The following LPGAT1 variants were observed in gnomAD, a reference collection of about 807,000 sequenced individuals.
The protein encoded by LPGAT1 is lysophosphatidylglycerol acyltransferase 1.
In LPGAT1, 11 loss-of-function variants were observed where a neutral mutation model predicts 47.5. The ratio of observed to expected loss-of-function variants is 0.23; its 90% confidence interval spans 0.15 to 0.38. LPGAT1 has a LOEUF of 0.38. LPGAT1 is among the 10% of genes least tolerant of loss of function. The pLI, the probability that LPGAT1 is intolerant of heterozygous loss-of-function variation, is 1.00. For synonymous variants in LPGAT1, 138 were observed against 144.2 expected (o/e 0.96, Z 0.31); for missense variants, 293 against 439.0 (o/e 0.67, Z 2.97).
chr1:211,789,483 T>C (rs1013285533), intron 3 of LPGAT1, among the ~76,000 whole-genome samples: 2 of 152,206 alleles, frequency 1.3e-5, no homozygotes, highest in Non-Finnish European at 2.9e-5. Context: ...TATAAGTCAA[T>C]AAATGTTTAT....
intron 6 of LPGAT1, among the ~76,000 whole-genome samples, chr1:211,764,292 G>A (rs1042282747): frequency 2.0e-5 from 3 of 152,188 alleles, no homozygotes; most frequent in African/African-American, 4.8e-5. Flanking sequence ...AACAGACTGC[G>A]CTATTCTCAG....
chr1:211,830,268 G>T lies in LPGAT1; in HGVS notation c.-28+305C>A. ...GGTCGCGGTCATGGACGCGGTGGCG[G>T]CCCAAGCGGCCCGAGGCGCTGCGCG... On this transcript the variant is annotated intron_variant, in intron 1 of 7. Transcript: ENST00000366997. The surrounding 1 kb of genome is among the most constrained non-coding windows in gnomAD (Gnocchi z 5.9). The T allele has an allele frequency of 9.9e-7, 1 of 1,009,064 alleles. No homozygotes were observed. 62.5% of individuals were successfully genotyped at this position (1,009,064 alleles called of 1,614,324 possible). A position where few individuals can be genotyped will look rare whatever the true frequency, so the allele number is the denominator to read the frequency against.
intron 2 of LPGAT1, among the ~76,000 whole-genome samples, chr1:211,812,766 G>A (rs908983369): frequency 1.3e-5 from 2 of 152,208 alleles, no homozygotes; most frequent in Non-Finnish European, 1.5e-5. Flanking sequence ...TGACCCTGGA[G>A]GCCGAGGCTG....
In LPGAT1 at chr1:211,749,892, T is replaced by C; in HGVS notation, c.*7A>G. 6 of 1,613,816 alleles carry C rather than the reference T, an allele frequency of 3.7e-6. No individual in the cohort carries two copies. Among genetic ancestry groups the C allele is most frequent in the Non-Finnish European group, 5.1e-6 (6 of 1,179,882 alleles). ...CTACGGTGACCTTGACAAGTCCACG[T>C]CAATTCCTAAAACAGGCAATGGTAA... is the stretch of plus-strand genomic sequence containing the variant. On this transcript the variant is annotated 3_prime_UTR_variant, in exon 8 of 8. Coordinates refer to ENST00000366997, the MANE Select transcript of LPGAT1 (RefSeq NM_014873.3).
rs1449021200 is a variant in LPGAT1 at position 211,744,686 on chromosome 1, TTG to T, written c.*5211_*5212del. ...TATTTGTTAATTGTGTTATATGTTC[TTG>T]CTATCAGCAAAATTTATAACAAACA... On this transcript the variant is annotated 3_prime_UTR_variant, in exon 8 of 8. Coordinates refer to ENST00000366997, the MANE Select transcript of LPGAT1 (RefSeq NM_014873.3). The T allele has an allele frequency of 1.3e-5, 2 of 152,252 alleles. No homozygotes were observed. Among genetic ancestry groups the T allele is most frequent in the South Asian group, 4.1e-4 (2 of 4,834 alleles). The allele number at this position is 152,252 out of a possible 1,614,324, so 9.4% of individuals were successfully genotyped here. A position where few individuals can be genotyped will look rare whatever the true frequency, so the allele number is the denominator to read the frequency against.
chr1:211,769,687 A>G (rs538862437), intron 6 of LPGAT1, among the ~76,000 whole-genome samples: 105 of 152,310 alleles, frequency 6.9e-4, no homozygotes, highest in African/African-American at 2.4e-3. Flanking sequence ...TTTAGACCAT[A>G]TAAGGTAACT....
intron 1 of LPGAT1, 188 bp from the exon 2 acceptor site, chr1:211,829,511 C>G: frequency 2.8e-6 from 4 of 1,427,218 alleles, no homozygotes; most frequent in Non-Finnish European, 3.6e-6. Flanking sequence ...AGGAGCCGCA[C>G]AAGGTCAAGG....
intron 2 of LPGAT1, among the ~76,000 whole-genome samples, chr1:211,805,026 A>AC (rs1452956407): frequency 1.3e-5 from 2 of 152,138 alleles, no homozygotes; most frequent in Non-Finnish European, 2.9e-5. Context: ...GGGGGATGTA[A>AC]ATAAGTTCCA....
chr1:211,743,796 A>C lies in LPGAT1; in HGVS notation c.*6103T>G, dbSNP rs928368319. 6.6e-6 allele frequency: 1 copy of C among 152,184 alleles called. No individual in the cohort carries two copies. The highest frequency in any genetic ancestry group is 2.4e-5 in the African/African-American group (1 of 41,446). 9.4% of individuals were successfully genotyped at this position (152,184 alleles called of 1,614,324 possible). A position where few individuals can be genotyped will look rare whatever the true frequency, so the allele number is the denominator to read the frequency against. On this transcript the variant is annotated 3_prime_UTR_variant, in exon 8 of 8. Coordinates refer to ENST00000366997, the MANE Select transcript of LPGAT1 (RefSeq NM_014873.3). The stretch of plus-strand genomic sequence containing the variant: ...AAAGAAATTAGAATCTCACCAAAAC[A>C]GCAGCCTAAATACAGATAGAAAAAT...
At chr1:211,786,932 T>G (rs1658903058) in intron 4 of LPGAT1, among the ~76,000 whole-genome samples, 1 of 152,178 alleles carries the variant, frequency 6.6e-6, no homozygotes, top group South Asian at 2.1e-4. Flanking sequence ...AGCTATTACT[T>G]CATTTAATCC....
chr1:211,807,302 T>A (rs909694887), intron 2 of LPGAT1, among the ~76,000 whole-genome samples: 7 of 151,668 alleles, frequency 4.6e-5, no homozygotes, highest in African/African-American at 1.2e-4. Context: ...TGGTTATGGA[T>A]TAAAAGACTC....
intron 5 of LPGAT1, among the ~76,000 whole-genome samples, chr1:211,780,446 A>T (rs1483632273): frequency 6.6e-6 from 1 of 152,224 alleles, no homozygotes; most frequent in Non-Finnish European, 1.5e-5. Context: ...ACTTTAGAGT[A>T]TAATGGTCCA....
intron 2 of LPGAT1, among the ~76,000 whole-genome samples, chr1:211,826,892 G>GC (rs1195030309): frequency 6.6e-6 from 1 of 152,096 alleles, no homozygotes; most frequent in African/African-American, 2.4e-5. Context: ...TTCTTCACAA[G>GC]CCCACCCTCC....
rs1380488081 is a variant in LPGAT1, at chr1:211,745,850, T to A, written c.*4049A>T. Reference sequence around the variant, plus strand: ...CCTGCTATCCACTGCTGCTTTTGACTTTGTCCTTCATATTAACAGATATAA... The same window carrying A: ...CCTGCTATCCACTGCTGCTTTTGACATTGTCCTTCATATTAACAGATATAA... On this transcript the variant is annotated 3_prime_UTR_variant, in exon 8 of 8. Transcript: ENST00000366997. The A allele has an allele frequency of 6.6e-6, 1 of 152,654 alleles. No individual in the cohort carries two copies. The highest frequency in any genetic ancestry group is 2.4e-5 in the African/African-American group (1 of 41,450). 9.5% of individuals were successfully genotyped at this position (152,654 alleles called of 1,614,324 possible).
At position 211,830,191 on chromosome 1, in the gene LPGAT1, G is replaced by C. The variant is rs1660684009; in HGVS notation, c.-28+382C>G. 11 of 983,316 alleles carry C rather than the reference G, an allele frequency of 1.1e-5. No individual in the cohort carries two copies. Among genetic ancestry groups the C allele is most frequent in the Non-Finnish European group, 1.3e-5 (11 of 829,358 alleles). The allele number at this position is 983,316 out of a possible 1,614,324, so 60.9% of individuals were successfully genotyped here. On this transcript the variant is annotated intron_variant, in intron 1 of 7. Transcript: ENST00000366997. The surrounding 1 kb of genome is among the most constrained non-coding windows in gnomAD (Gnocchi z 5.9). ...CCGCGCGCCGGGCTCACCTCGGCGG[G>C]CGCGGACGGCGGGCGGCTGCGGAGA...
intron 1 of LPGAT1, chr1:211,829,726 A>G: frequency 9.8e-7 from 1 of 1,016,212 alleles, no homozygotes; most frequent in South Asian, 3.9e-5. Context: ...GGGTCCCCTC[A>G]ATAAGATTTC....
At chr1:211,790,225 T>C (rs1312279270) in intron 3 of LPGAT1, among the ~76,000 whole-genome samples, 1 of 152,184 alleles carries the variant, frequency 6.6e-6, no homozygotes, top group Non-Finnish European at 1.5e-5. Context: ...GGAGTGCTAC[T>C]AGCATTTAGT....
chr1:211,806,752 T>C (rs1249572259), intron 2 of LPGAT1, among the ~76,000 whole-genome samples: 2 of 152,220 alleles, frequency 1.3e-5, no homozygotes, highest in Non-Finnish European at 2.9e-5. Context: ...TCAGTATCCA[T>C]TCATCATAAA....
chr1:211,808,671 T>C (rs1659852383), intron 2 of LPGAT1, among the ~76,000 whole-genome samples: 1 of 152,178 alleles, frequency 6.6e-6, no homozygotes, highest in Admixed American at 6.6e-5. Context: ...CAGTTTCTCA[T>C]GAAGTTAAAC....
Sources: allele counts gnomAD v4.1 joint callset (sites outside exome capture counted in the v4.1 genomes callset), GRCh38; gene constraint gnomAD v4.1.1; non-coding constraint Gnocchi (gnomAD v3.1); transcripts MANE v1.5; gene names NCBI Gene and HGNC (gene_info 2026-07-23, HGNC 2026-07-21).